ENTREP2: variants seen among roughly 807,000 people sequenced by gnomAD.
The protein encoded by ENTREP2 is protein ENTREP2.
the ENTREP2 span, among the ~76,000 whole-genome samples, chr15:29,240,609 C>T: frequency 2.3e-4 from 35 of 152,210 alleles, no homozygotes; most frequent in Admixed American, 7.2e-4. Context: ...GATGCTGGCC[C>T]CTCAATCTTG....
chr15:29,465,960 G>C, the ENTREP2 span, among the ~76,000 whole-genome samples: 1 of 152,188 alleles, frequency 6.6e-6, no homozygotes, highest in Admixed American at 6.5e-5. Context: ...ATTGGGCCAG[G>C]CCTGGCTCTG....
chr15:29,133,524 A>C, the ENTREP2 span, among the ~76,000 whole-genome samples: 1 of 152,120 alleles, frequency 6.6e-6, no homozygotes, highest in Non-Finnish European at 1.5e-5. Flanking sequence ...CCATCGCATC[A>C]AAGCTGCTCT....
the ENTREP2 span, among the ~76,000 whole-genome samples, chr15:29,621,244 C>T: frequency 7.3e-5 from 11 of 151,678 alleles, 1 homozygote; most frequent in East Asian, 1.9e-4. Flanking sequence ...AAAAAATAGG[C>T]GGGGCACAGT....
the ENTREP2 span, chr15:29,196,374 A>G: frequency 3.3e-6 from 5 of 1,530,090 alleles, no homozygotes; most frequent in Admixed American, 9.9e-5. Context: ...GGCTTCCTAA[A>G]CTGTCTGTAA....
At chr15:29,316,194 G>A in the ENTREP2 span, among the ~76,000 whole-genome samples, 19,906 of 151,956 alleles carry the variant, frequency 0.13, 1,718 homozygotes, top group African/African-American at 0.25. Flanking sequence ...CAGTAAAACG[G>A]GCAGGTGCCT....
the ENTREP2 span, among the ~76,000 whole-genome samples, chr15:29,377,864 A>ATAATAATAATAATAAT: frequency 1.4e-4 from 14 of 103,370 alleles, no homozygotes; most frequent in Non-Finnish European, 2.8e-4. Flanking sequence ...AATAATAATA[A>ATAATAATAATAATAAT]AAAAATGAGC....
At chr15:29,307,289 TA>T in the ENTREP2 span, among the ~76,000 whole-genome samples, 35,913 of 147,972 alleles carry the variant, frequency 0.24, 8,340 homozygotes, top group African/African-American at 0.61. Context: ...TCAGCTAACA[TA>T]AAAAAAAAAA....
the ENTREP2 span, among the ~76,000 whole-genome samples, chr15:29,534,106 CAAAAAAAAAAAA>C: frequency 3.1e-4 from 14 of 44,932 alleles, no homozygotes; most frequent in South Asian, 3.8e-3. Flanking sequence ...GCCCCTTGGC[CAAAAAAAAAAAA>C]AAAAAAAAAA....
chr15:29,394,216 A>C, the ENTREP2 span, among the ~76,000 whole-genome samples: 1 of 152,176 alleles, frequency 6.6e-6, no homozygotes, highest in Non-Finnish European at 1.5e-5. Context: ...ATTTCTCTAT[A>C]TTCATAAATT....
the ENTREP2 span, among the ~76,000 whole-genome samples, chr15:29,443,569 G>A: frequency 6.6e-6 from 1 of 152,048 alleles, no homozygotes; most frequent in Non-Finnish European, 1.5e-5. Flanking sequence ...TGAGCATGAG[G>A]GTGTGCCCCA....
the ENTREP2 span, among the ~76,000 whole-genome samples, chr15:29,646,465 C>T: frequency 4.6e-5 from 7 of 152,296 alleles, no homozygotes; most frequent in South Asian, 8.3e-4. Context: ...TCCTTCTCTA[C>T]GTGAGGCCCT....
the ENTREP2 span, among the ~76,000 whole-genome samples, chr15:29,309,517 C>T: frequency 2.2e-4 from 34 of 152,166 alleles, no homozygotes; most frequent in African/African-American, 8.0e-4. Flanking sequence ...CGGTGGCTCA[C>T]GCATGTAATT....
chr15:29,579,415 C>T, the ENTREP2 span, among the ~76,000 whole-genome samples: 2 of 152,068 alleles, frequency 1.3e-5, no homozygotes, highest in African/African-American at 4.8e-5. Context: ...GCTATATGTT[C>T]AGTGGTAACC....
the ENTREP2 span, chr15:29,265,464 C>T: frequency 1.3e-5 from 2 of 152,212 alleles, no homozygotes; most frequent in African/African-American, 4.8e-5. Context: ...CATGGCAAAA[C>T]CCCGTCTCTA....
chr15:29,299,183 A>G, the ENTREP2 span, among the ~76,000 whole-genome samples: 7 of 152,224 alleles, frequency 4.6e-5, no homozygotes, highest in Non-Finnish European at 1.0e-4. Flanking sequence ...CATGTTAAAA[A>G]AACTCTTAGC....
the ENTREP2 span, chr15:29,151,888 T>C: frequency 1.3e-5 from 18 of 1,426,816 alleles, no homozygotes; most frequent in Admixed American, 4.0e-5. Flanking sequence ...CCGAAATAGA[T>C]AGCAGAATCC....
the ENTREP2 span, among the ~76,000 whole-genome samples, chr15:29,352,164 G>A: frequency 2.0e-5 from 3 of 152,134 alleles, no homozygotes; most frequent in East Asian, 5.8e-4. Flanking sequence ...CTAACTCCTG[G>A]CTTCAAGCAA....
the ENTREP2 span, among the ~76,000 whole-genome samples, chr15:29,419,618 T>C: frequency 6.6e-6 from 1 of 152,154 alleles, no homozygotes; most frequent in Non-Finnish European, 1.5e-5. Context: ...CAGTAAGCGC[T>C]GCAAAGCTAA....
chr15:29,343,027 T>TAGGGG, the ENTREP2 span, among the ~76,000 whole-genome samples: 1 of 130,886 alleles, frequency 7.6e-6, no homozygotes, highest in Non-Finnish European at 1.6e-5. Context: ...TAAAAAGGAA[T>TAGGGG]GGGGGGGGTG....
Sources: allele counts gnomAD v4.1 joint callset (sites outside exome capture counted in the v4.1 genomes callset), GRCh38; gene constraint gnomAD v4.1.1; transcripts MANE v1.5; gene names NCBI Gene and HGNC (gene_info 2026-07-23, HGNC 2026-07-21).